The following SAMD12 variants were observed in gnomAD, a reference collection of about 807,000 sequenced individuals.
The protein encoded by SAMD12 is sterile alpha motif domain containing 12.
In SAMD12, 9 loss-of-function variants were observed where a neutral mutation model predicts 15.0. That is an observed-to-expected ratio of 0.60 (90% CI 0.36 to 1.05). The LOEUF is 1.05. Ranked by LOEUF, SAMD12 falls within the 50% of genes least tolerant of loss-of-function variation. SAMD12 has a pLI of 0.01. For missense variants in SAMD12, 230 were observed against 234.2 expected (o/e 0.98, Z 0.12); for synonymous variants, 86 against 90.1 (o/e 0.96, Z 0.25).
chr8:118,286,632 G>A (rs146241497), intron 4 of SAMD12, among the ~76,000 whole-genome samples: 6 of 152,300 alleles, frequency 3.9e-5, no homozygotes, highest in Non-Finnish European at 5.9e-5. Flanking sequence ...GGAAGCCAGC[G>A]TGGTAGGACC....
At chr8:118,455,009 T>C (rs562267994) in intron 2 of SAMD12, among the ~76,000 whole-genome samples, 21 of 152,330 alleles carry the variant, frequency 1.4e-4, no homozygotes, top group African/African-American at 3.6e-4. Flanking sequence ...GGTTTCTCCA[T>C]AGGAAAGCAT....
At chr8:118,253,508 C>T (rs1812865599) in intron 4 of SAMD12, among the ~76,000 whole-genome samples, 1 of 152,248 alleles carries the variant, frequency 6.6e-6, no homozygotes, top group East Asian at 1.9e-4. Flanking sequence ...CTCTTTGTAT[C>T]TCAGGGCCTA....
chr8:118,228,839 C>A (rs1812242095), intron 4 of SAMD12, among the ~76,000 whole-genome samples: 1 of 152,160 alleles, frequency 6.6e-6, no homozygotes, highest in African/African-American at 2.4e-5. Flanking sequence ...CTTGCATATG[C>A]ATGTTTATAG....
chr8:118,402,415 A>G (rs1391833212), intron 3 of SAMD12, among the ~76,000 whole-genome samples: 4 of 152,238 alleles, frequency 2.6e-5, no homozygotes, highest in African/African-American at 9.6e-5. Context: ...AGATGGAGAA[A>G]TAACACTGAA....
At chr8:118,585,791 G>A (rs1827424159) in intron 1 of SAMD12, among the ~76,000 whole-genome samples, 1 of 152,180 alleles carries the variant, frequency 6.6e-6, no homozygotes, top group African/African-American at 2.4e-5. Context: ...TAGTGGCTGA[G>A]GGATGCCATT....
chr8:118,495,366 T>TA (rs34725353), intron 2 of SAMD12, among the ~76,000 whole-genome samples: 1 of 152,140 alleles, frequency 6.6e-6, no homozygotes, highest in Non-Finnish European at 1.5e-5. Flanking sequence ...TCTCCCAGTC[T>TA]AAAAAACAGT....
intron 4 of SAMD12, among the ~76,000 whole-genome samples, chr8:118,200,633 A>G (rs1819689461): frequency 2.0e-5 from 3 of 152,036 alleles, no homozygotes; most frequent in Admixed American, 2.0e-4. Context: ...TCATCTTTGA[A>G]ATCTTTCCAT....
chr8:118,157,218 T>A, the SAMD12 span, among the ~76,000 whole-genome samples: 1 of 152,338 alleles, frequency 6.6e-6, no homozygotes, highest in African/African-American at 2.4e-5. Context: ...AGTCTTGCCA[T>A]GAAGTACATG....
chr8:118,553,309 G>C (rs992081633), intron 2 of SAMD12, among the ~76,000 whole-genome samples: 3 of 152,118 alleles, frequency 2.0e-5, no homozygotes, highest in Non-Finnish European at 2.9e-5. Flanking sequence ...AACCAAAACA[G>C]CATGGTACTG....
chr8:118,168,641 C>T, the SAMD12 span, among the ~76,000 whole-genome samples: 2 of 152,158 alleles, frequency 1.3e-5, no homozygotes, highest in Non-Finnish European at 2.9e-5. Flanking sequence ...TTGCCAGGCA[C>T]ACCCCAGATA....
downstream of SAMD12, among the ~76,000 whole-genome samples, chr8:118,184,952 A>G (rs1274487847): frequency 6.9e-6 from 1 of 144,536 alleles, no homozygotes; most frequent in African/African-American, 2.6e-5. Flanking sequence ...TCCTGATTCC[A>G]TTGTATCCAA....
chr8:118,323,502 C>T (rs1324980300), intron 4 of SAMD12, among the ~76,000 whole-genome samples: 1 of 152,116 alleles, frequency 6.6e-6, no homozygotes, highest in Admixed American at 6.6e-5. Context: ...TGGCTGATTC[C>T]TGTAATCCCA....
At chr8:118,236,178 C>T (rs891838705) in intron 4 of SAMD12, among the ~76,000 whole-genome samples, 11 of 152,140 alleles carry the variant, frequency 7.2e-5, no homozygotes, top group Admixed American at 3.3e-4. Context: ...CACACTGCAA[C>T]GATATTTGTT....
At chr8:118,257,556 G>C (rs959141125) in intron 4 of SAMD12, among the ~76,000 whole-genome samples, 1 of 152,040 alleles carries the variant, frequency 6.6e-6, no homozygotes, top group Non-Finnish European at 1.5e-5. Flanking sequence ...ATGACCATAC[G>C]GAATCTGCAA....
intron 4 of SAMD12, among the ~76,000 whole-genome samples, chr8:118,200,450 G>C (rs534697646): frequency 2.7e-5 from 4 of 148,020 alleles, no homozygotes; most frequent in South Asian, 2.2e-4. Context: ...ATTTATATTA[G>C]AGCAACAAGA....
chr8:118,368,895 C>T (rs1818938136), intron 4 of SAMD12, among the ~76,000 whole-genome samples: 1 of 152,184 alleles, frequency 6.6e-6, no homozygotes, highest in Admixed American at 6.5e-5. Flanking sequence ...TTCTGCCACC[C>T]TTTGTGCACC....
intron 2 of SAMD12, among the ~76,000 whole-genome samples, chr8:118,534,252 AG>A (rs1825772018): frequency 6.6e-6 from 1 of 152,110 alleles, no homozygotes; most frequent in South Asian, 2.1e-4. Context: ...CTTTTCTTTA[AG>A]AATGTTGAAT....
At chr8:118,433,251 G>A in intron 3 of SAMD12, among the ~76,000 whole-genome samples, 1 of 152,180 alleles carries the variant, frequency 6.6e-6, no homozygotes. Flanking sequence ...GTGCTCAGTT[G>A]TGCCAGTGAC....
At chr8:118,420,947 T>C (rs1234443817) in intron 3 of SAMD12, among the ~76,000 whole-genome samples, 2 of 152,212 alleles carry the variant, frequency 1.3e-5, no homozygotes, top group Non-Finnish European at 2.9e-5. Context: ...TTCTTTCATT[T>C]ATATACTACA....
Sources: gnomAD v4.1 joint callset for allele counts (sites outside exome capture counted in the v4.1 genomes callset) on GRCh38, gnomAD v4.1.1 for gene constraint, MANE v1.5 for transcripts, NCBI Gene and HGNC (gene_info 2026-07-23, HGNC 2026-07-21) for gene names.